TENM3: variants seen among roughly 807,000 people sequenced by gnomAD.
TENM3 encodes the protein teneurin-3.
A neutral mutation model predicts 255.1 loss-of-function variants in TENM3; 63 were observed. That is an observed-to-expected ratio of 0.25 (90% CI 0.20 to 0.30). TENM3 has a LOEUF of 0.30. Among genes scored for constraint, TENM3 ranks in the 10% least tolerant of loss-of-function variants. The pLI, the probability that TENM3 is intolerant of heterozygous loss-of-function variation, is 1.00. For synonymous variants in TENM3, 1,306 were observed against 1,322.3 expected (o/e 0.99, Z 0.27); for missense variants, 2,929 against 3,461.1 (o/e 0.85, Z 3.86).
chr4:182,601,883 A>G (rs1266520007), intron 4 of TENM3, among the ~76,000 whole-genome samples: 1 of 152,196 alleles, frequency 6.6e-6, no homozygotes, highest in Non-Finnish European at 1.5e-5. Context: ...ATGGCCCATG[A>G]GCTTCTCAGT....
chr4:181,663,103 A>G, the TENM3 span, among the ~76,000 whole-genome samples: 1 of 152,126 alleles, frequency 6.6e-6, no homozygotes, highest in South Asian at 2.1e-4. Flanking sequence ...ATGATTTAAA[A>G]ATCTATTTTT....
At chr4:181,467,831 C>T in the TENM3 span, among the ~76,000 whole-genome samples, 1 of 152,056 alleles carries the variant, frequency 6.6e-6, no homozygotes, top group African/African-American at 2.4e-5. Flanking sequence ...ATTTTTATGA[C>T]AATAAAAGTT....
intron 3 of TENM3, among the ~76,000 whole-genome samples, chr4:182,552,023 C>G (rs928431683): frequency 4.8e-4 from 60 of 124,878 alleles, no homozygotes; most frequent in African/African-American, 1.8e-3. Context: ...AAGACCCTGT[C>G]TCAAAAAAAA....
the TENM3 span, among the ~76,000 whole-genome samples, chr4:181,761,005 C>CAT: frequency 2.1e-5 from 3 of 143,814 alleles, no homozygotes; most frequent in Non-Finnish European, 3.1e-5. Context: ...CACACACACA[C>CAT]ACACACACCC....
At chr4:182,640,297 T>G (rs1474135848) in intron 5 of TENM3, among the ~76,000 whole-genome samples, 1 of 152,172 alleles carries the variant, frequency 6.6e-6, no homozygotes. Context: ...ATCGGCACAT[T>G]TTTACCAATA....
the TENM3 span, among the ~76,000 whole-genome samples, chr4:181,759,829 A>G: frequency 1.1e-4 from 17 of 152,094 alleles, no homozygotes; most frequent in Non-Finnish European, 2.1e-4. Flanking sequence ...TCATACTTAC[A>G]TCAAGAAAGA....
At chr4:181,950,345 G>A in the TENM3 span, among the ~76,000 whole-genome samples, 4 of 151,914 alleles carry the variant, frequency 2.6e-5, no homozygotes, top group East Asian at 1.9e-4. Context: ...GCCCGCCTGC[G>A]CCCAGGTGAA....
the TENM3 span, among the ~76,000 whole-genome samples, chr4:181,768,397 C>G: frequency 6.6e-6 from 1 of 152,186 alleles, no homozygotes; most frequent in Non-Finnish European, 1.5e-5. Context: ...CTGAAAAACT[C>G]TGCTTTACAG....
the TENM3 span, among the ~76,000 whole-genome samples, chr4:181,766,919 A>G: frequency 6.6e-6 from 1 of 152,138 alleles, no homozygotes; most frequent in Non-Finnish European, 1.5e-5. Context: ...TCAAACAAGA[A>G]TTTGGAGATA....
chr4:182,128,334 C>A, the TENM3 span, among the ~76,000 whole-genome samples: 2 of 150,602 alleles, frequency 1.3e-5, no homozygotes, highest in Non-Finnish European at 3.0e-5. Context: ...TTGTTTCTTT[C>A]TTTCTTTTCT....
rs372808409 is a variant in TENM3, at chr4:182,465,697, C to T, written c.511+118768C>T. On this transcript the variant is annotated intron_variant, in intron 3 of 27. Coordinates refer to ENST00000511685, the MANE Select transcript of TENM3 (RefSeq NM_001080477.4). ...CAATTTAATAAGTATTTACTGAGTA[C>T]CTACTATGTTTCTGACATCGGTGCT... is the stretch of plus-strand genomic sequence containing the variant. Among the ~76,000 whole-genome samples the T allele has an allele frequency of 3.3e-5, 5 of 152,010 alleles. No homozygotes were observed. In the East Asian group the frequency reaches 7.7e-4, roughly 23 times the overall value.
intron 1 of TENM3, among the ~76,000 whole-genome samples, chr4:182,292,215 T>C (rs1403959136): frequency 6.6e-6 from 1 of 152,208 alleles, no homozygotes; most frequent in Non-Finnish European, 1.5e-5. Context: ...AAGGTGGGCA[T>C]ATTGATACCT....
At chr4:182,160,238 G>A (rs113039139) in intron 1 of TENM3, among the ~76,000 whole-genome samples, 7,245 of 149,454 alleles carry the variant, frequency 0.048, 206 homozygotes, top group Non-Finnish European at 0.059. Flanking sequence ...TCCTGACCTC[G>A]TGATCCGCCC....
the TENM3 span, among the ~76,000 whole-genome samples, chr4:181,705,608 A>T: frequency 6.6e-6 from 1 of 152,198 alleles, no homozygotes; most frequent in Non-Finnish European, 1.5e-5. Flanking sequence ...ACTTAAATCT[A>T]TACATTTCTT....
intron 1 of TENM3, among the ~76,000 whole-genome samples, chr4:182,311,266 A>C (rs2675515): frequency 0.015 from 2,333 of 152,298 alleles, 33 homozygotes; most frequent in South Asian, 0.053. Context: ...TCCTGAGTTG[A>C]ATTTCACTTG....
At chr4:181,821,135 C>T in the TENM3 span, among the ~76,000 whole-genome samples, 1 of 152,182 alleles carries the variant, frequency 6.6e-6, no homozygotes, top group Non-Finnish European at 1.5e-5. Context: ...TAGCCACCTT[C>T]TCATTTTGCA....
chr4:181,509,093 C>A, the TENM3 span, among the ~76,000 whole-genome samples: 3 of 151,848 alleles, frequency 2.0e-5, no homozygotes, highest in Admixed American at 1.3e-4. Context: ...AACCCGAGAT[C>A]ATAGGGAGGA....
chr4:181,956,006 A>G, the TENM3 span, among the ~76,000 whole-genome samples: 1 of 152,218 alleles, frequency 6.6e-6, no homozygotes, highest in Non-Finnish European at 1.5e-5. Flanking sequence ...TGCATAGCTT[A>G]TAAACAAGAG....
chr4:182,533,179 C>T (rs918193160), intron 3 of TENM3, among the ~76,000 whole-genome samples: 2 of 152,190 alleles, frequency 1.3e-5, no homozygotes, highest in African/African-American at 4.8e-5. Flanking sequence ...GTTTTTATGG[C>T]TAATTCTAAT....
Sources: allele counts gnomAD v4.1 joint callset (sites outside exome capture counted in the v4.1 genomes callset), GRCh38; gene constraint gnomAD v4.1.1; transcripts MANE v1.5; gene names NCBI Gene and HGNC (gene_info 2026-07-23, HGNC 2026-07-21).